Variants in NEBL observed in about 807,000 individuals in gnomAD.
NEBL encodes nebulette, also known as LIM and SH3 protein 2.
NEBL carries 122 observed loss-of-function variants against 140.2 expected under a neutral mutation model. That is an observed-to-expected ratio of 0.87 (90% CI 0.75 to 1.01). The LOEUF (loss-of-function observed/expected upper bound fraction) is 1.01, where lower values mean the gene tolerates loss of function less well. NEBL is among the 50% of genes least tolerant of loss of function. The pLI, the probability that NEBL is intolerant of heterozygous loss-of-function variation, is 0.00. For missense variants in NEBL, 1,365 were observed against 1,231.3 expected (o/e 1.11, Z -1.62); for synonymous variants, 436 against 398.9 (o/e 1.09, Z -1.11).
At chr10:20,923,684 A>G (rs1225076034) in intron 4 of NEBL, among the ~76,000 whole-genome samples, 2 of 149,054 alleles carry the variant, frequency 1.3e-5, no homozygotes, top group East Asian at 3.9e-4. Context: ...AAAAAAAAAA[A>G]AAAAAAAAAA....
At chr10:21,084,848 A>C (rs1479672301) in intron 2 of NEBL, among the ~76,000 whole-genome samples, 1 of 152,174 alleles carries the variant, frequency 6.6e-6, no homozygotes, top group African/African-American at 2.4e-5. Context: ...CCAAGACTCA[A>C]CATGACTTTA....
intron 22 of NEBL, among the ~76,000 whole-genome samples, chr10:20,814,609 T>TACACACACAC (rs1265684219): frequency 2.1e-3 from 203 of 98,366 alleles, no homozygotes; most frequent in African/African-American, 9.2e-3. Flanking sequence ...AACACACACA[T>TACACACACAC]ACACACATAC....
At chr10:21,181,482 G>T (rs996911940) in intron 3 of NEBL, among the ~76,000 whole-genome samples, 15 of 152,136 alleles carry the variant, frequency 9.9e-5, no homozygotes, top group African/African-American at 3.4e-4. Context: ...AGGAACCCAG[G>T]AAAAACTGAA....
At chr10:21,186,424 G>C (rs996004854) in intron 3 of NEBL, among the ~76,000 whole-genome samples, 2 of 151,936 alleles carry the variant, frequency 1.3e-5, no homozygotes, top group Non-Finnish European at 2.9e-5. Flanking sequence ...AGTTGCCTTT[G>C]GTATCCACGA....
chr10:21,280,619 C>CTTTTTTTTTTTTT (rs554320752), intron 1 of NEBL, among the ~76,000 whole-genome samples: 1 of 98,134 alleles, frequency 1.0e-5, no homozygotes, highest in African/African-American at 4.0e-5. Flanking sequence ...TTTCTTTTTC[C>CTTTTTTTTTTTTT]TTTTTTTTTT....
At chr10:21,202,368 T>C (rs1183739059) in intron 3 of NEBL, among the ~76,000 whole-genome samples, 1 of 152,006 alleles carries the variant, frequency 6.6e-6, no homozygotes, top group Non-Finnish European at 1.5e-5. Context: ...ACTTCTTGAC[T>C]CACCTGCGTT....
At chr10:21,071,012 A>G (rs1835792734) in intron 2 of NEBL, among the ~76,000 whole-genome samples, 1 of 151,230 alleles carries the variant, frequency 6.6e-6, no homozygotes, top group African/African-American at 2.4e-5. Flanking sequence ...CTCTGCCTCT[A>G]CAAAAAAAAA....
Position 20,808,553 on chromosome 10 carries a change from G to T in NEBL, c.2718C>A (p.Ser906Arg), listed in dbSNP as rs768402237. ...TTGTTACCTCACTGCAGCATGAAAA[G>T]CTAGGGTAAATCTCGGAGATTTCTG... ...DRSEISEIYP[S>R]FSCCSEVTRP... is the part of the protein sequence containing the mutation. The change falls in exon 26 of 28, where the codon AGC becomes AGA. Residue 906 changes from serine (S) to arginine (R), a missense_variant. By Grantham distance (110) the Ser-to-Arg change is moderately radical (BLOSUM62 -1). Around this residue, in one of 2 missense-constraint regions of NEBL, gnomAD observed 1,323 missense variants for 1,154.8 expected, o/e 1.15. Transcript: ENST00000377122. 8 of 1,613,802 alleles carry T rather than the reference G, an allele frequency of 5.0e-6. No homozygotes were observed. The African/African-American group carries it at 1.1e-4, about 22-fold the overall frequency.
At chr10:21,049,250 A>T (rs956256636) in intron 2 of NEBL, among the ~76,000 whole-genome samples, 4 of 152,194 alleles carry the variant, frequency 2.6e-5, no homozygotes, top group African/African-American at 9.7e-5. Flanking sequence ...AGCCAAGCTG[A>T]CATATCACAT....
At chr10:21,190,318 A>C (rs1467077261) in intron 3 of NEBL, among the ~76,000 whole-genome samples, 1 of 148,742 alleles carries the variant, frequency 6.7e-6, no homozygotes, top group African/African-American at 2.5e-5. Flanking sequence ...TGTGCCTACA[A>C]AAAAAAAAAA....
intron 1 of NEBL, among the ~76,000 whole-genome samples, chr10:21,283,919 C>T (rs1000437448): frequency 1.5e-4 from 22 of 151,250 alleles, no homozygotes; most frequent in African/African-American, 4.6e-4. Flanking sequence ...CTTGGCCAGT[C>T]GGGCATGGTG....
At chr10:21,182,200 G>T in intron 3 of NEBL, among the ~76,000 whole-genome samples, 1 of 151,034 alleles carries the variant, frequency 6.6e-6, no homozygotes. Flanking sequence ...GGTTGGGCAC[G>T]GTGGCTCACA....
At chr10:21,224,047 T>C (rs1416637633) in intron 3 of NEBL, among the ~76,000 whole-genome samples, 2 of 152,242 alleles carry the variant, frequency 1.3e-5, no homozygotes, top group Non-Finnish European at 2.9e-5. Context: ...AGATCCCATT[T>C]GTCCATTTTT....
chr10:21,196,806 A>G (rs1841660043), intron 3 of NEBL, among the ~76,000 whole-genome samples: 1 of 152,248 alleles, frequency 6.6e-6, no homozygotes, highest in Non-Finnish European at 1.5e-5. Flanking sequence ...ACTCATTGGT[A>G]TCACTTTGAC....
At chr10:21,172,545 G>A in intron 1 of NEBL, 1 of 1,228,338 alleles carries the variant, frequency 8.1e-7, no homozygotes, top group Non-Finnish European at 1.2e-6. Flanking sequence ...GGGCACAGAA[G>A]GAAGGCTTTT....
intron 14 of NEBL, among the ~76,000 whole-genome samples, chr10:20,832,640 A>T (rs7080172): frequency 6.6e-6 from 1 of 152,146 alleles, no homozygotes; most frequent in Non-Finnish European, 1.5e-5. Flanking sequence ...TAGCCAATTA[A>T]ATTTGCTTTA....
chr10:21,058,447 T>C (rs1835130256), intron 2 of NEBL, among the ~76,000 whole-genome samples: 1 of 151,952 alleles, frequency 6.6e-6, no homozygotes, highest in South Asian at 2.1e-4. Context: ...CTTATAAATA[T>C]AAGGCTTTAA....
At chr10:20,828,398 G>T in intron 17 of NEBL, 132 bp downstream of exon 17, 1 of 612,638 alleles carries the variant, frequency 1.6e-6, no homozygotes. Context: ...TTATTTTAAA[G>T]AAATAAAGAT....
intron 4 of NEBL, among the ~76,000 whole-genome samples, chr10:20,938,328 C>A (rs576967869): frequency 3.9e-5 from 6 of 152,214 alleles, no homozygotes; most frequent in African/African-American, 1.4e-4. Context: ...CAGGGAAACA[C>A]GGTCTGGAGT....
Sources: allele counts gnomAD v4.1 joint callset (sites outside exome capture counted in the v4.1 genomes callset), GRCh38; gene constraint gnomAD v4.1.1; regional missense constraint gnomAD v4.1.1; transcripts MANE v1.5; gene names NCBI Gene and HGNC (gene_info 2026-07-23, HGNC 2026-07-21).